Variants in SETBP1 observed in about 807,000 individuals in gnomAD.
SETBP1 encodes the protein SET-binding protein.
Under a neutral mutation model 101.0 loss-of-function variants are expected in SETBP1, and 9 were observed. That is an observed-to-expected ratio of 0.09 (90% CI 0.05 to 0.16). The LOEUF is 0.16. Ranked by LOEUF, SETBP1 falls within the 10% of genes least tolerant of loss-of-function variation. The pLI, the probability that SETBP1 is intolerant of heterozygous loss-of-function variation, is 1.00. For missense variants in SETBP1, 1,858 were observed against 2,033.8 expected (o/e 0.91, Z 1.66); for synonymous variants, 818 against 788.5 (o/e 1.04, Z -0.63).
chr18:44,784,347 G>A (rs1433550964), intron 2 of SETBP1, among the ~76,000 whole-genome samples: 3 of 151,790 alleles, frequency 2.0e-5, no homozygotes, highest in African/African-American at 7.3e-5. Context: ...ACTTCCTCTG[G>A]CTATTCTTGC....
At chr18:45,036,935 A>G (rs1599479296) in intron 4 of SETBP1, among the ~76,000 whole-genome samples, 1 of 152,224 alleles carries the variant, frequency 6.6e-6, no homozygotes, top group Admixed American at 6.5e-5. Flanking sequence ...TAATAGCTGT[A>G]TGAGTGAGTT....
intron 2 of SETBP1, among the ~76,000 whole-genome samples, chr18:44,723,461 G>A (rs912552863): frequency 3.3e-5 from 5 of 152,148 alleles, no homozygotes; most frequent in African/African-American, 9.7e-5. Context: ...GTGATGTCTC[G>A]TGATTTGTTC....
chr18:44,957,095 C>G (rs1349260664), intron 4 of SETBP1, among the ~76,000 whole-genome samples: 1 of 152,072 alleles, frequency 6.6e-6, no homozygotes, highest in Non-Finnish European at 1.5e-5. Flanking sequence ...TTGGTATAAG[C>G]CTTATCAGCT....
chr18:44,868,725 A>C (rs199720799), intron 2 of SETBP1, among the ~76,000 whole-genome samples: 5,972 of 33,566 alleles, frequency 0.18, 687 homozygotes, highest in East Asian at 0.3. Flanking sequence ...GAAGGAAGGA[A>C]GGAAGGAAGG....
intron 1 of SETBP1, among the ~76,000 whole-genome samples, chr18:44,685,396 A>G (rs1200354610): frequency 6.6e-6 from 1 of 152,174 alleles, no homozygotes; most frequent in Non-Finnish European, 1.5e-5. Context: ...CCAGATAAGC[A>G]TTTTATCTCC....
At chr18:44,685,492 A>G (rs1049567358) in intron 1 of SETBP1, among the ~76,000 whole-genome samples, 4 of 152,160 alleles carry the variant, frequency 2.6e-5, no homozygotes, top group Non-Finnish European at 5.9e-5. Flanking sequence ...GCTGTGGCAA[A>G]GTGTGAAGAG....
chr18:45,017,806 A>G (rs917161403), intron 4 of SETBP1, among the ~76,000 whole-genome samples: 3 of 152,174 alleles, frequency 2.0e-5, no homozygotes, highest in Admixed American at 2.0e-4. Flanking sequence ...TGCCCACCAC[A>G]CTGCGTCCCT....
chr18:45,036,876 C>G (rs12608404), intron 4 of SETBP1, among the ~76,000 whole-genome samples: 146,884 of 152,286 alleles, frequency 0.96, 71,081 homozygotes, highest in East Asian at 1. Flanking sequence ...GGACCAATGT[C>G]ATCCCTGGGT....
chr18:44,879,564 A>T (rs1291998457), intron 3 of SETBP1, among the ~76,000 whole-genome samples: 1 of 152,224 alleles, frequency 6.6e-6, no homozygotes, highest in Non-Finnish European at 1.5e-5. Flanking sequence ...TCCCAAGACC[A>T]TATTACTAGA....
intron 5 of SETBP1, among the ~76,000 whole-genome samples, chr18:45,047,851 CAGAG>C (rs151021347): frequency 4.0e-5 from 6 of 149,732 alleles, no homozygotes; most frequent in Admixed American, 1.3e-4. Flanking sequence ...GTGACAAAGA[CAGAG>C]AGAGAGAGAG....
chr18:44,806,616 T>G, intron 2 of SETBP1, among the ~76,000 whole-genome samples: 1 of 139,406 alleles, frequency 7.2e-6, no homozygotes, highest in African/African-American at 2.6e-5. Flanking sequence ...TGGCTCATAA[T>G]GAGCTCCTTT....
At chr18:44,963,899 C>CAAAAAA (rs59077847) in intron 4 of SETBP1, among the ~76,000 whole-genome samples, 30 of 41,582 alleles carry the variant, frequency 7.2e-4, no homozygotes, top group African/African-American at 2.6e-3. Flanking sequence ...GACCCCATCT[C>CAAAAAA]AAAAAAAAAA....
intron 2 of SETBP1, among the ~76,000 whole-genome samples, chr18:44,716,237 G>C (rs1182726655): frequency 6.6e-6 from 1 of 152,196 alleles, no homozygotes; most frequent in Non-Finnish European, 1.5e-5. Context: ...TTCTGCAGGA[G>C]AGTCAGTGGT....
intron 2 of SETBP1, among the ~76,000 whole-genome samples, chr18:44,803,871 C>T (rs2071666485): frequency 6.6e-6 from 1 of 152,000 alleles, no homozygotes; most frequent in Non-Finnish European, 1.5e-5. Flanking sequence ...CAGATTTAGA[C>T]AATTGAATAT....
In SETBP1 at chr18:44,701,236, G is replaced by A; in HGVS notation, c.-111G>A. On this transcript the variant is annotated 5_prime_UTR_variant, in exon 2 of 6. Coordinates refer to ENST00000649279, the MANE Select transcript of SETBP1 (RefSeq NM_015559.3). The stretch of plus-strand genomic sequence containing the variant: ...CTCCATCCCTGGGAATCTGACCCTA[G>A]CAACTGGACCACTTTGTTCTTGGAA... 4 of 1,241,434 alleles carry A rather than the reference G, an allele frequency of 3.2e-6. No homozygotes were observed. The highest frequency in any genetic ancestry group is 4.4e-6 in the Non-Finnish European group (4 of 915,510). The allele number at this position is 1,241,434 out of a possible 1,614,324, so 76.9% of individuals were successfully genotyped here.
intron 2 of SETBP1, among the ~76,000 whole-genome samples, chr18:44,867,931 C>T (rs1395171866): frequency 6.6e-6 from 1 of 152,208 alleles, no homozygotes; most frequent in African/African-American, 2.4e-5. Flanking sequence ...AACATTGTTA[C>T]AGCAAACATG....
intron 2 of SETBP1, among the ~76,000 whole-genome samples, chr18:44,855,349 A>G (rs2072954784): frequency 6.6e-6 from 1 of 152,182 alleles, no homozygotes; most frequent in Non-Finnish European, 1.5e-5. Flanking sequence ...CATCCTAAAA[A>G]AATAAATATT....
chr18:44,843,877 G>A (rs2072671226), intron 2 of SETBP1, among the ~76,000 whole-genome samples: 1 of 152,094 alleles, frequency 6.6e-6, no homozygotes, highest in African/African-American at 2.4e-5. Flanking sequence ...AAACTCCACA[G>A]GCATCTTTAT....
At position 44,832,570 on chromosome 18, in the gene SETBP1, T is replaced by C. The variant is rs538022622; in HGVS notation, c.487-36660T>C. On this transcript the variant is annotated intron_variant, in intron 2 of 5. Coordinates refer to ENST00000649279, the MANE Select transcript of SETBP1 (RefSeq NM_015559.3). ...TGGCAGAACTAGATATCCATAGTTA[T>C]TCTTTTCACTTAGCATCAGGATATT... is the stretch of plus-strand genomic sequence containing the variant. 5.3e-5 allele frequency among the ~76,000 whole-genome samples: 8 copies of C among 152,360 alleles called. No homozygotes were observed. The South Asian group carries it at 1.4e-3, about 28-fold the overall frequency.
Sources: allele counts gnomAD v4.1 joint callset (sites outside exome capture counted in the v4.1 genomes callset), GRCh38; gene constraint gnomAD v4.1.1; transcripts MANE v1.5; gene names NCBI Gene and HGNC (gene_info 2026-07-23, HGNC 2026-07-21).